DNAJC3: variants seen among roughly 807,000 people sequenced by gnomAD.
DNAJC3 encodes the protein DnaJ heat shock protein family (Hsp40) member C3, also known as dnaJ homolog subfamily C member 3.
DNAJC3 carries 38 observed loss-of-function variants against 68.6 expected under a neutral mutation model. The observed-to-expected ratio is 0.55, with a 90% CI of 0.43 to 0.73. The LOEUF (loss-of-function observed/expected upper bound fraction) is 0.73, where lower values mean the gene tolerates loss of function less well. Ranked by LOEUF, DNAJC3 falls within the 30% of genes least tolerant of loss-of-function variation. DNAJC3 has a pLI of 0.00. For missense variants in DNAJC3, 526 were observed against 591.9 expected (o/e 0.89, Z 1.16); for synonymous variants, 203 against 204.0 (o/e 1.00, Z 0.04).
chr13:95,745,620 CA>C (rs1882280506), intron 4 of DNAJC3: 1 of 152,192 alleles, frequency 6.6e-6, no homozygotes, highest in African/African-American at 2.4e-5. Context: ...TCTTTGTTTT[CA>C]AACAAATTCC....
intron 2 of DNAJC3, among the ~76,000 whole-genome samples, chr13:95,711,531 CAA>C (rs1258525846): frequency 6.6e-6 from 1 of 151,634 alleles, no homozygotes; most frequent in Non-Finnish European, 1.5e-5. Context: ...AAACTCTACT[CAA>C]GAGACATGGC....
At chr13:95,699,710 T>C (rs1880536172) in intron 1 of DNAJC3, among the ~76,000 whole-genome samples, 1 of 152,240 alleles carries the variant, frequency 6.6e-6, no homozygotes, top group Admixed American at 6.5e-5. Context: ...AGACGTTTAC[T>C]TCCTGGGGTT....
chr13:95,681,028 G>A (rs1273102064), intron 1 of DNAJC3, among the ~76,000 whole-genome samples: 1 of 152,166 alleles, frequency 6.6e-6, no homozygotes, highest in Non-Finnish European at 1.5e-5. Flanking sequence ...TTGCTCTTTG[G>A]TGAGGTATAT....
intron 1 of DNAJC3, among the ~76,000 whole-genome samples, chr13:95,678,861 A>G (rs2139593225): frequency 6.6e-6 from 1 of 152,258 alleles, no homozygotes; most frequent in East Asian, 1.9e-4. Context: ...TATTTTCCAT[A>G]AGAAAACCAC....
chr13:95,692,821 G>GC (rs1880313938), intron 1 of DNAJC3: 1 of 147,876 alleles, frequency 6.8e-6, no homozygotes, highest in African/African-American at 2.5e-5. Context: ...CTGCACCCAT[G>GC]CCTTTTTTTT....
In DNAJC3 at chr13:95,746,584, A is replaced by G. The variant is rs144104807; in HGVS notation, c.394-11060A>G. 6.3e-3 allele frequency among the ~76,000 whole-genome samples: 965 copies of G among 152,290 alleles called. 16 individuals are homozygous for G. The highest frequency in any genetic ancestry group is 4.4e-3 in the Non-Finnish European group (299 of 68,030). On this transcript the variant is annotated intron_variant, in intron 4 of 11. Coordinates refer to ENST00000602402, the MANE Select transcript of DNAJC3 (RefSeq NM_006260.5). ...TGTTATGCCTATTTTATATTTACCA[A>G]TTACAGGATTCTTATACTTTAATTT...
intron 4 of DNAJC3, among the ~76,000 whole-genome samples, chr13:95,737,699 T>G (rs1285165471): frequency 1.3e-5 from 2 of 151,620 alleles, no homozygotes; most frequent in Non-Finnish European, 2.9e-5. Context: ...TGTGTCTATT[T>G]GATTCTTCTC....
At chr13:95,765,734 G>A (rs1388780037) in intron 9 of DNAJC3, among the ~76,000 whole-genome samples, 1 of 151,944 alleles carries the variant, frequency 6.6e-6, no homozygotes, top group Non-Finnish European at 1.5e-5. Flanking sequence ...ACCACGCCTG[G>A]CTCATTTTTG....
At chr13:95,702,314 G>A (rs1313011591) in intron 1 of DNAJC3, among the ~76,000 whole-genome samples, 1 of 152,106 alleles carries the variant, frequency 6.6e-6, no homozygotes, top group Non-Finnish European at 1.5e-5. Flanking sequence ...ATGTCCTTCA[G>A]CACCCCAAAG....
At chr13:95,738,100 C>T (rs1186869422) in intron 4 of DNAJC3, among the ~76,000 whole-genome samples, 5 of 149,118 alleles carry the variant, frequency 3.4e-5, no homozygotes, top group African/African-American at 4.9e-5. Context: ...CATTCAGGAG[C>T]AGGTTGTTCG....
intron 4 of DNAJC3, among the ~76,000 whole-genome samples, chr13:95,725,971 A>G (rs971220995): frequency 6.6e-6 from 1 of 151,816 alleles, no homozygotes; most frequent in South Asian, 2.1e-4. Flanking sequence ...GATGGTTTCC[A>G]GTTTCATCCA....
At chr13:95,693,847 T>C (rs1285158857) in intron 1 of DNAJC3, 1 of 152,140 alleles carries the variant, frequency 6.6e-6, no homozygotes, top group East Asian at 1.9e-4. Flanking sequence ...ATTAGAAAAG[T>C]CCATACCAAA....
intron 4 of DNAJC3, chr13:95,745,685 A>G (rs897903991): frequency 1.3e-5 from 2 of 152,302 alleles, no homozygotes; most frequent in African/African-American, 4.8e-5. Flanking sequence ...ACCTGTTTGG[A>G]TATGCCTGTG....
At chr13:95,768,535 C>A (rs1461343644) in intron 9 of DNAJC3, among the ~76,000 whole-genome samples, 4 of 152,246 alleles carry the variant, frequency 2.6e-5, no homozygotes, top group East Asian at 3.9e-4. Context: ...CTGGCCTGGG[C>A]AAAATTGTGA....
In DNAJC3 at chr13:95,750,373, T is replaced by A. The variant is rs549756962; in HGVS notation, c.394-7271T>A. On this transcript the variant is annotated intron_variant, in intron 4 of 11. Coordinates refer to ENST00000602402, the MANE Select transcript of DNAJC3 (RefSeq NM_006260.5). ...AGGTTTTAGGTTTAGCTTAGAGTAGTGCCTGGAGCACAGAAAGCTCTCAAT... is the reference window on the plus strand; with the variant it reads ...AGGTTTTAGGTTTAGCTTAGAGTAGAGCCTGGAGCACAGAAAGCTCTCAAT... 2.0e-5 allele frequency among the ~76,000 whole-genome samples: 3 copies of A among 152,180 alleles called. No individual in the cohort carries two copies. The South Asian group carries it at 6.2e-4, about 32-fold the overall frequency.
At chr13:95,778,492 A>G (rs899741752) in intron 9 of DNAJC3, among the ~76,000 whole-genome samples, 1 of 152,230 alleles carries the variant, frequency 6.6e-6, no homozygotes, top group African/African-American at 2.4e-5. Context: ...AAAAAAATGG[A>G]ATATTACTCA....
At chr13:95,772,361 CT>C (rs757550808) in intron 9 of DNAJC3, among the ~76,000 whole-genome samples, 5 of 151,896 alleles carry the variant, frequency 3.3e-5, no homozygotes, top group African/African-American at 1.2e-4. Flanking sequence ...TTCTAACGGG[CT>C]TTTTTTTAGA....
At chr13:95,696,196 C>G (rs1880435875) in intron 1 of DNAJC3, among the ~76,000 whole-genome samples, 1 of 152,212 alleles carries the variant, frequency 6.6e-6, no homozygotes, top group South Asian at 2.1e-4. Flanking sequence ...TACGTTCATT[C>G]ACTGACGTAG....
chr13:95,747,690 G>A (rs569385189), intron 4 of DNAJC3, among the ~76,000 whole-genome samples: 1 of 152,222 alleles, frequency 6.6e-6, no homozygotes, highest in Non-Finnish European at 1.5e-5. Flanking sequence ...AAGACAAGGG[G>A]AGAAGCAGAG....
Sources: gnomAD v4.1 joint callset for allele counts (sites outside exome capture counted in the v4.1 genomes callset) on GRCh38, gnomAD v4.1.1 for gene constraint, MANE v1.5 for transcripts, NCBI Gene and HGNC (gene_info 2026-07-23, HGNC 2026-07-21) for gene names.